IPO8: variants seen among roughly 807,000 people sequenced by gnomAD.
IPO8 encodes the protein importin-8.
A neutral mutation model predicts 141.2 loss-of-function variants in IPO8; 65 were observed. The ratio of observed to expected loss-of-function variants is 0.46; its 90% CI spans 0.38 to 0.57. The LOEUF (loss-of-function observed/expected upper bound fraction) is 0.57. Among genes scored for constraint, IPO8 ranks in the 20% least tolerant of loss-of-function variants. The pLI, the probability that IPO8 is intolerant of heterozygous loss-of-function variation, is 0.00. For missense variants in IPO8, 980 were observed against 1,246.8 expected, an observed-to-expected ratio of 0.79 and a Z score of 3.22; for synonymous variants, 411 against 420.3, an observed-to-expected ratio of 0.98 and a Z score of 0.27.
chr12:30,660,579 T>C (rs10219701), intron 16 of IPO8, among the ~76,000 whole-genome samples: 83,166 of 152,090 alleles, frequency 0.55, 23,353 homozygotes, highest in African/African-American at 0.67. Context: ...AGTAAGATCA[T>C]ATCAGCTGAT....
chr12:30,692,473 T>G (rs1565512700), intron 1 of IPO8, among the ~76,000 whole-genome samples: 1 of 152,196 alleles, frequency 6.6e-6, no homozygotes, highest in Non-Finnish European at 1.5e-5. Context: ...AGTTACTCAA[T>G]TTCTTTGTGC....
intron 16 of IPO8, among the ~76,000 whole-genome samples, chr12:30,658,722 T>C (rs1337154361): frequency 6.6e-6 from 1 of 152,116 alleles, no homozygotes; most frequent in African/African-American, 2.4e-5. Flanking sequence ...GAACTATCCC[T>C]TAAATTTACT....
At chr12:30,676,993 A>G (rs1359667253) in intron 5 of IPO8, 1 of 1,528,118 alleles carries the variant, frequency 6.5e-7, no homozygotes, top group African/African-American at 1.4e-5. Context: ...TTTCCTCTAC[A>G]CTGTAGCATA....
Position 30,636,993 on chromosome 12 carries a change from A to T in IPO8, c.2684T>A (p.Met895Lys), listed in dbSNP as rs1049566704. The T allele has an allele frequency of 2.5e-6, 4 of 1,613,708 alleles. No individual in the cohort carries two copies. The highest frequency in any genetic ancestry group is 2.5e-6 in the Non-Finnish European group (3 of 1,179,608). The part of the protein sequence containing the change: ...EDRSKAEKAD[M>K]EENEEISSDE... The stretch of plus-strand genomic sequence containing the variant: ...TTAGAAGACTTTACCATTTTCTTCC[A>T]TATCAGCTTTCTCTGCTTTTGAACG... Residue 895 changes from methionine to lysine, a missense_variant, in exon 22 of 25, where the codon ATG becomes AAG. This residue lies in a region of IPO8 where 924 missense variants were observed against 1,153.9 expected (regional missense o/e 0.80). Transcript: ENST00000256079.
intron 5 of IPO8, among the ~76,000 whole-genome samples, chr12:30,680,143 T>G (rs2053173639): frequency 1.3e-5 from 2 of 152,200 alleles, no homozygotes; most frequent in South Asian, 4.1e-4. Flanking sequence ...CTTCTTTTCC[T>G]TCTTCTTCTC....
chr12:30,668,309 C>A (rs2052997016), intron 10 of IPO8, among the ~76,000 whole-genome samples: 1 of 152,142 alleles, frequency 6.6e-6, no homozygotes, highest in Non-Finnish European at 1.5e-5. Flanking sequence ...AAAAACACAG[C>A]CCAAAAAACT....
chr12:30,687,862 G>C (rs2053257475), intron 2 of IPO8, among the ~76,000 whole-genome samples: 1 of 151,872 alleles, frequency 6.6e-6, no homozygotes, highest in African/African-American at 2.4e-5. Flanking sequence ...TCCATCCTTT[G>C]GAAATACAAA....
At chr12:30,665,456 G>T (rs1484048256) in intron 12 of IPO8, 147 bp from the exon 13 acceptor site, 6 of 650,520 alleles carry the variant, frequency 9.2e-6, no homozygotes, top group African/African-American at 1.8e-5. Flanking sequence ...TTTAAAACAA[G>T]ACAAATATTA....
intron 20 of IPO8, among the ~76,000 whole-genome samples, chr12:30,643,686 T>C (rs1271725348): frequency 6.6e-6 from 1 of 152,242 alleles, no homozygotes; most frequent in Non-Finnish European, 1.5e-5. Context: ...GGGAATGAAC[T>C]AGTTCCCATG....
At position 30,665,756 on chromosome 12, in the gene IPO8, A is replaced by C; in HGVS notation, c.1311T>G (p.Ile437Met). ...TCAGTAAAATCTCAGCTAGGGAACCAATCACATGCAGGGCTCCATCTTTCT... is the reference window on the plus strand; with the variant it reads ...TCAGTAAAATCTCAGCTAGGGAACCCATCACATGCAGGGCTCCATCTTTCT... ...PRKKDGALHVIGSLAEILLKK... is the reference protein window; with the variant it reads ...PRKKDGALHVMGSLAEILLKK... The change falls in exon 12 of 25, where the codon ATT becomes ATG. Residue 437 changes from isoleucine to methionine, a missense_variant. By Grantham distance (10) the Ile-to-Met change is conservative. Coordinates refer to ENST00000256079, the MANE Select transcript of IPO8 (RefSeq NM_006390.4). 1 of 1,611,530 alleles carries C rather than the reference A, an allele frequency of 6.2e-7. No individual in the cohort carries two copies. Among genetic ancestry groups the C allele is most frequent in the African/African-American group, 1.3e-5 (1 of 74,990 alleles).
chr12:30,652,931 C>A, intron 18 of IPO8, 36 bp downstream of exon 18: 1 of 1,562,480 alleles, frequency 6.4e-7, no homozygotes, highest in Non-Finnish European at 8.6e-7. Context: ...TATCTAGACA[C>A]AGAAAAGCAA....
chr12:30,656,798 C>T (rs2136144314), intron 16 of IPO8, 48 bp from the exon 17 acceptor site: 1 of 893,688 alleles, frequency 1.1e-6, no homozygotes, highest in Non-Finnish European at 1.7e-6. Context: ...ATAATTAATA[C>T]ATAAATTTAA....
intron 5 of IPO8, chr12:30,677,141 T>A: frequency 7.2e-7 from 1 of 1,381,910 alleles, no homozygotes; most frequent in Non-Finnish European, 9.8e-7. Context: ...AGATAGACAA[T>A]CTTTGCCCTC....
At chr12:30,667,650 TAAAGA>T (rs1263255113) in intron 10 of IPO8, among the ~76,000 whole-genome samples, 1 of 152,142 alleles carries the variant, frequency 6.6e-6, no homozygotes, top group African/African-American at 2.4e-5. Flanking sequence ...AGGAAACGAT[TAAAGA>T]AAACTCACTT....
chr12:30,681,438 TC>T (rs2053187362), intron 4 of IPO8, among the ~76,000 whole-genome samples: 1 of 152,236 alleles, frequency 6.6e-6, no homozygotes, highest in Non-Finnish European at 1.5e-5. Context: ...GAGAAGTGCT[TC>T]ATATTATATC....
intron 21 of IPO8, among the ~76,000 whole-genome samples, chr12:30,638,961 G>A (rs1591822200): frequency 6.6e-6 from 1 of 151,996 alleles, no homozygotes; most frequent in African/African-American, 2.4e-5. Context: ...GGGAGCCACC[G>A]CGCCCGGCCT....
intron 8 of IPO8, among the ~76,000 whole-genome samples, 171 bp downstream of exon 8, chr12:30,673,819 T>A (rs1388209394): frequency 5.3e-5 from 8 of 152,348 alleles, no homozygotes; most frequent in African/African-American, 1.9e-4. Context: ...CTAATTGCAC[T>A]GGAAACTTGG....
chr12:30,660,131 G>A (rs1006094294), intron 16 of IPO8, among the ~76,000 whole-genome samples: 2 of 152,236 alleles, frequency 1.3e-5, no homozygotes, highest in African/African-American at 2.4e-5. Flanking sequence ...GCTGAGGCAG[G>A]AGAATTGCTT....
At chr12:30,649,297 G>T in intron 19 of IPO8, 65 bp from the exon 20 acceptor site, 2 of 1,097,214 alleles carry the variant, frequency 1.8e-6, no homozygotes, top group Non-Finnish European at 2.7e-6. Flanking sequence ...AAGTCCACAT[G>T]CACAAATGTC....
Sources: allele counts gnomAD v4.1 joint callset (sites outside exome capture counted in the v4.1 genomes callset), GRCh38; gene constraint gnomAD v4.1.1; regional missense constraint gnomAD v4.1.1; transcripts MANE v1.5; gene names NCBI Gene and HGNC (gene_info 2026-07-23, HGNC 2026-07-21).